Variants in DNAH9 observed in about 807,000 individuals in gnomAD.
The protein encoded by DNAH9 is dynein axonemal heavy chain 9.
DNAH9 carries 345 observed loss-of-function variants against 471.6 expected under a neutral mutation model. That is an observed-to-expected ratio of 0.73 (90% CI 0.67 to 0.80). The LOEUF (loss-of-function observed/expected upper bound fraction) is 0.80. DNAH9 is among the 30% of genes least tolerant of loss of function. The probability of loss-of-function intolerance (pLI) is 0.00; values close to 1 mark genes in which losing one functional copy is unlikely to be tolerated. For synonymous variants in DNAH9, 2,093 were observed against 2,123.6 expected (o/e 0.99, Z 0.40); for missense variants, 5,407 against 5,609.2 (o/e 0.96, Z 1.15).
intron 19 of DNAH9, among the ~76,000 whole-genome samples, chr17:11,687,134 A>C (rs924132213): frequency 1.3e-5 from 2 of 152,040 alleles, no homozygotes; most frequent in African/African-American, 4.8e-5. Context: ...ATGTAGAGAG[A>C]CAGGGCCCTT....
At chr17:11,670,408 C>T (rs533537639) in intron 17 of DNAH9, among the ~76,000 whole-genome samples, 1 of 152,242 alleles carries the variant, frequency 6.6e-6, no homozygotes, top group Non-Finnish European at 1.5e-5. Flanking sequence ...CCCCAGATAC[C>T]CACCACAATT....
chr17:11,682,901 C>T (rs1181033211), intron 19 of DNAH9, among the ~76,000 whole-genome samples: 2 of 152,186 alleles, frequency 1.3e-5, no homozygotes, highest in South Asian at 2.1e-4. Context: ...TTAGGAGCCA[C>T]GCCCTTGTTC....
intron 29 of DNAH9, among the ~76,000 whole-genome samples, chr17:11,739,989 C>G (rs774719662): frequency 1.3e-5 from 2 of 152,150 alleles, no homozygotes; most frequent in Non-Finnish European, 2.9e-5. Context: ...CATAGGAGAT[C>G]GCTGGGCAGC....
chr17:11,966,266 G>C (rs1384257089), intron 68 of DNAH9, among the ~76,000 whole-genome samples: 2 of 152,200 alleles, frequency 1.3e-5, no homozygotes, highest in Non-Finnish European at 2.9e-5. Context: ...ATAGCTGATT[G>C]CTCATCAGAA....
intron 49 of DNAH9, among the ~76,000 whole-genome samples, chr17:11,843,483 G>T (rs1257971846): frequency 6.6e-6 from 1 of 151,876 alleles, no homozygotes; most frequent in South Asian, 2.1e-4. Context: ...TATATACTTT[G>T]TGTACTAGGA....
intron 45 of DNAH9, among the ~76,000 whole-genome samples, chr17:11,812,948 C>T (rs764317905): frequency 5.4e-4 from 82 of 152,290 alleles, no homozygotes; most frequent in Middle Eastern, 3.4e-3. Context: ...TGAGAGAATA[C>T]AGCTTTAGAG....
chr17:11,808,126 C>T (rs568580050), intron 44 of DNAH9, among the ~76,000 whole-genome samples: 91 of 152,308 alleles, frequency 6.0e-4, no homozygotes, highest in African/African-American at 1.7e-3. Context: ...GTCCTAGTTA[C>T]GTCTGTGGGG....
At chr17:11,608,603 C>T (rs1057277141) in intron 2 of DNAH9, among the ~76,000 whole-genome samples, 1 of 152,180 alleles carries the variant, frequency 6.6e-6, no homozygotes, top group African/African-American at 2.4e-5. Context: ...AGCGCAACCA[C>T]ACTAGCTTTC....
chr17:11,720,966 T>C (rs2075046397), intron 27 of DNAH9, among the ~76,000 whole-genome samples: 1 of 152,224 alleles, frequency 6.6e-6, no homozygotes, highest in African/African-American at 2.4e-5. Context: ...AATTTTATGT[T>C]CTAGATTTTT....
chr17:11,639,229 G>A (rs1398670912), intron 9 of DNAH9, among the ~76,000 whole-genome samples: 1 of 152,146 alleles, frequency 6.6e-6, no homozygotes, highest in Admixed American at 6.5e-5. Flanking sequence ...GCCTATCATG[G>A]AGGACAAGCA....
intron 53 of DNAH9, among the ~76,000 whole-genome samples, chr17:11,879,231 C>T (rs544819133): frequency 6.6e-6 from 1 of 152,008 alleles, no homozygotes; most frequent in East Asian, 1.9e-4. Context: ...GAAATAAAAA[C>T]TTCTATAATT....
At chr17:11,957,355 C>G (rs778835514) in intron 67 of DNAH9, among the ~76,000 whole-genome samples, 1 of 152,142 alleles carries the variant, frequency 6.6e-6, no homozygotes. Context: ...TTTACATAAA[C>G]TCTTCTACTT....
chr17:11,829,792 C>T (rs1970625423), intron 48 of DNAH9, among the ~76,000 whole-genome samples: 1 of 152,196 alleles, frequency 6.6e-6, no homozygotes, highest in Non-Finnish European at 1.5e-5. Flanking sequence ...AAACTTTAGA[C>T]TTATAATTTC....
intron 18 of DNAH9, 34 bp downstream of exon 18, chr17:11,680,013 T>C (rs181572410): frequency 2.0e-5 from 31 of 1,541,408 alleles, no homozygotes; most frequent in South Asian, 5.7e-5. Context: ...ATAAAAGAAA[T>C]AGAGGAAACA....
chr17:11,634,173 G>A (rs970104989), intron 8 of DNAH9, among the ~76,000 whole-genome samples: 9 of 152,124 alleles, frequency 5.9e-5, no homozygotes, highest in Non-Finnish European at 1.2e-4. Context: ...CTTCTCAGCT[G>A]AGCTTCCAGC....
chr17:11,919,321 C>T (rs1974055492), intron 61 of DNAH9, among the ~76,000 whole-genome samples: 1 of 151,704 alleles, frequency 6.6e-6, no homozygotes, highest in Non-Finnish European at 1.5e-5. Context: ...CGGTGAAACC[C>T]TATCTCTACT....
At position 11,769,290 on chromosome 17, in the gene DNAH9, G is replaced by A. The variant is rs61744697; in HGVS notation, c.7513G>A (p.Val2505Met). The A allele has an allele frequency of 2.5e-5, 40 of 1,613,608 alleles. No homozygotes were observed. The highest frequency in any genetic ancestry group is 3.1e-5 in the Non-Finnish European group (37 of 1,179,796). Residue 2505 changes from valine to methionine, a missense_variant, in exon 38 of 69, where the codon GTG (valine) becomes ATG (methionine). Transcript: ENST00000262442. The part of the protein sequence containing the change: ...LDPEAYLVKN[V>M]PFNYYTTSAM... ...CCCCGAGGCATACCTGGTGAAAAAC[G>A]TGCCATTCAACTACTACACCACGTC...
At chr17:11,670,290 G>A (rs1019131554) in intron 17 of DNAH9, among the ~76,000 whole-genome samples, 13 of 152,144 alleles carry the variant, frequency 8.5e-5, no homozygotes, top group Non-Finnish European at 1.9e-4. Context: ...GTCCTACTGT[G>A]ACCTAGACCA....
intron 26 of DNAH9, among the ~76,000 whole-genome samples, chr17:11,714,295 C>T (rs1304707328): frequency 6.6e-6 from 1 of 152,148 alleles, no homozygotes; most frequent in African/African-American, 2.4e-5. Flanking sequence ...TTACATTCAT[C>T]CCTCTTAAAT....
Sources: gnomAD v4.1 joint callset for allele counts (sites outside exome capture counted in the v4.1 genomes callset) on GRCh38, gnomAD v4.1.1 for gene constraint, MANE v1.5 for transcripts, NCBI Gene and HGNC (gene_info 2026-07-23, HGNC 2026-07-21) for gene names.